NRG1: variants seen among roughly 807,000 people sequenced by gnomAD.
NRG1 encodes the protein pro-neuregulin-1, membrane-bound isoform.
In NRG1, 18 loss-of-function variants were observed where a neutral mutation model predicts 63.8. The observed-to-expected ratio is 0.28, with a 90% confidence interval of 0.19 to 0.42. NRG1 has a LOEUF of 0.42. NRG1 is among the 10% of genes least tolerant of loss of function. The pLI is 1.00. For synonymous variants in NRG1, 302 were observed against 301.3 expected, an observed-to-expected ratio of 1.00 and a Z score of -0.02; for missense variants, 762 against 814.7, an observed-to-expected ratio of 0.94 and a Z score of 0.79.
intron 1 of NRG1, among the ~76,000 whole-genome samples, chr8:31,962,174 C>T (rs1415481695): frequency 6.6e-6 from 1 of 151,980 alleles, no homozygotes; most frequent in African/African-American, 2.4e-5. Flanking sequence ...TTTGAAAAAC[C>T]GCAGTCTCCT....
chr8:31,881,102 T>C (rs926895321), intron 1 of NRG1, among the ~76,000 whole-genome samples: 3 of 152,200 alleles, frequency 2.0e-5, no homozygotes, highest in African/African-American at 7.2e-5. Flanking sequence ...GGATCTTGAG[T>C]ACAGACATAT....
intron 1 of NRG1, among the ~76,000 whole-genome samples, chr8:32,234,503 A>G (rs1847324840): frequency 6.6e-6 from 1 of 152,192 alleles, no homozygotes; most frequent in South Asian, 2.1e-4. Context: ...CCAATATCAC[A>G]ACTTTAGATA....
At chr8:32,440,245 C>T (rs1471998417) in intron 1 of NRG1, among the ~76,000 whole-genome samples, 1 of 152,168 alleles carries the variant, frequency 6.6e-6, no homozygotes, top group Non-Finnish European at 1.5e-5. Context: ...CCTCCCCTGA[C>T]ATGTGGGGAC....
Position 31,640,075 on chromosome 8 carries a change from C to A in NRG1, c.37+644C>A, listed in dbSNP as rs2130820438. 5 of 1,135,650 alleles carry A rather than the reference C, an allele frequency of 4.4e-6. No individual in the cohort carries two copies. Among genetic ancestry groups the A allele is most frequent in the Non-Finnish European group, 5.4e-6 (5 of 927,682 alleles). 70.3% of individuals were successfully genotyped at this position (1,135,650 alleles called of 1,614,324 possible). On this transcript the variant is annotated intron_variant, in intron 1 of 10. Transcript: ENST00000519301. The surrounding 1 kb of genome is among the most constrained non-coding windows in gnomAD (Gnocchi z 6.3). ...CGCCGCCCGCTCGTCGCCGCCGCTGCCGCTGCTGCCACTACTGCTGCTGCT... is the reference window on the plus strand; with the variant it reads ...CGCCGCCCGCTCGTCGCCGCCGCTGACGCTGCTGCCACTACTGCTGCTGCT...
intron 1 of NRG1, among the ~76,000 whole-genome samples, chr8:31,658,332 T>A (rs1239677437): frequency 6.6e-6 from 1 of 152,212 alleles, no homozygotes; most frequent in Non-Finnish European, 1.5e-5. Context: ...ACTCATGACC[T>A]TGGGAACTCC....
chr8:31,868,124 CACACACACACACACAT>C (rs1829126944), intron 1 of NRG1, among the ~76,000 whole-genome samples: 1 of 101,730 alleles, frequency 9.8e-6, no homozygotes, highest in Non-Finnish European at 2.3e-5. Context: ...CCATCCCAAA[CACACACACACACACAT>C]ACATCTTACA....
intron 1 of NRG1, among the ~76,000 whole-genome samples, chr8:32,298,570 C>T (rs760462381): frequency 2.0e-5 from 3 of 151,456 alleles, no homozygotes; most frequent in African/African-American, 2.4e-5. Context: ...ACAAAATAAC[C>T]GTGTGTGGCG....
chr8:31,658,129 A>C (rs1419280370), intron 1 of NRG1, among the ~76,000 whole-genome samples: 1 of 152,254 alleles, frequency 6.6e-6, no homozygotes, highest in East Asian at 1.9e-4. Context: ...TATTGTGACC[A>C]GAATTGACAT....
At chr8:32,629,298 C>T (rs1234197568) in intron 5 of NRG1, among the ~76,000 whole-genome samples, 3 of 152,176 alleles carry the variant, frequency 2.0e-5, no homozygotes, top group African/African-American at 4.8e-5. Flanking sequence ...TTGCTTGAAC[C>T]ACAGTCTTGC....
At chr8:31,888,306 G>C (rs1433885808) in intron 1 of NRG1, among the ~76,000 whole-genome samples, 1 of 152,034 alleles carries the variant, frequency 6.6e-6, no homozygotes, top group Non-Finnish European at 1.5e-5. Context: ...TATTTGTAAT[G>C]AATTTCACCC....
At chr8:32,488,177 T>C (rs7844698) in intron 1 of NRG1, among the ~76,000 whole-genome samples, 96,664 of 152,026 alleles carry the variant, frequency 0.64, 31,017 homozygotes, top group East Asian at 0.79. Context: ...TTATTTCGCC[T>C]AAATATTTTA....
chr8:32,661,265 A>G (rs1208799861), intron 5 of NRG1, among the ~76,000 whole-genome samples: 1 of 152,236 alleles, frequency 6.6e-6, no homozygotes, highest in Non-Finnish European at 1.5e-5. Flanking sequence ...GAGAAAAGTA[A>G]CTTATCTTAG....
At chr8:31,703,831 C>T (rs1810866339) in intron 1 of NRG1, among the ~76,000 whole-genome samples, 1 of 152,238 alleles carries the variant, frequency 6.6e-6, no homozygotes, top group Non-Finnish European at 1.5e-5. Flanking sequence ...CTTATTGCCA[C>T]AGAGGAAAAG....
chr8:32,200,481 C>A (rs1843392561), intron 1 of NRG1, among the ~76,000 whole-genome samples: 1 of 152,020 alleles, frequency 6.6e-6, no homozygotes. Context: ...CCACTTCCTC[C>A]CCACCCCACC....
chr8:31,689,940 A>T (rs1176819329), intron 1 of NRG1, among the ~76,000 whole-genome samples: 1 of 152,174 alleles, frequency 6.6e-6, no homozygotes, highest in East Asian at 1.9e-4. Flanking sequence ...AAAGGCTTTG[A>T]TGTGGTTTGG....
At chr8:32,415,071 A>T (rs1240845486) in intron 1 of NRG1, among the ~76,000 whole-genome samples, 1 of 151,994 alleles carries the variant, frequency 6.6e-6, no homozygotes, top group African/African-American at 2.4e-5. Flanking sequence ...ACTTTATTAG[A>T]TCTATTTTCT....
chr8:31,923,058 T>A (rs1834041813), intron 1 of NRG1, among the ~76,000 whole-genome samples: 1 of 151,758 alleles, frequency 6.6e-6, no homozygotes, highest in East Asian at 2.0e-4. Context: ...AAGGGTGAGA[T>A]GAGAGGCTTC....
chr8:32,269,411 C>T (rs1851316638), intron 1 of NRG1, among the ~76,000 whole-genome samples: 1 of 152,130 alleles, frequency 6.6e-6, no homozygotes, highest in Admixed American at 6.6e-5. Flanking sequence ...GTGAATGTTT[C>T]CCATTACATC....
At chr8:32,517,313 T>C (rs7840005) in intron 1 of NRG1, among the ~76,000 whole-genome samples, 15,739 of 152,190 alleles carry the variant, frequency 0.1, 1,193 homozygotes, top group Admixed American at 0.24. Context: ...TCCATTTAAG[T>C]TCAAATCCTT....
Sources: allele counts gnomAD v4.1 joint callset (sites outside exome capture counted in the v4.1 genomes callset), GRCh38; gene constraint gnomAD v4.1.1; non-coding constraint Gnocchi (gnomAD v3.1); transcripts MANE v1.5; gene names NCBI Gene and HGNC (gene_info 2026-07-23, HGNC 2026-07-21).